Variants in SMIM13 observed in about 807,000 individuals in gnomAD.
The protein encoded by SMIM13 is UPF0766 protein C6orf228.
Under a neutral mutation model 5.9 loss-of-function variants are expected in SMIM13, and 3 were observed. The ratio of observed to expected loss-of-function variants is 0.51; its 90% confidence interval spans 0.23 to 1.31. SMIM13 has a LOEUF of 1.31. Ranked by LOEUF, SMIM13 falls within the 40% of genes most tolerant of loss-of-function variation. SMIM13 has a pLI of 0.18. For synonymous variants in SMIM13, 55 were observed against 46.0 expected (o/e 1.19, Z -0.79); for missense variants, 85 against 109.9 (o/e 0.77, Z 1.01).
chr6:11,096,611 A>AT (rs1338236886), intron 1 of SMIM13, among the ~76,000 whole-genome samples: 1 of 152,172 alleles, frequency 6.6e-6, no homozygotes, highest in Middle Eastern at 3.2e-3. Flanking sequence ...GGAGTGCGAT[A>AT]TTAGTTTGCC....
chr6:11,122,020 A>G lies in SMIM13; in HGVS notation c.77-12383A>G, dbSNP rs561755533. 1.3e-3 allele frequency among the ~76,000 whole-genome samples: 193 copies of G among 152,262 alleles called. 1 individual carries two copies. The highest frequency in any genetic ancestry group is 3.9e-3 in the Admixed American group (60 of 15,290). ...TCAACTGTTGTTCTGTCTATCCCCC[A>G]TGGGCACCCCACTGCTAATCTTTTT... is the stretch of plus-strand genomic sequence containing the variant. On this transcript the variant is annotated intron_variant, in intron 1 of 1. Transcript: ENST00000416247.
chr6:11,112,755 T>G (rs530185999), intron 1 of SMIM13, among the ~76,000 whole-genome samples: 1 of 152,180 alleles, frequency 6.6e-6, no homozygotes, highest in African/African-American at 2.4e-5. Flanking sequence ...CATTTACTCA[T>G]TGATGGACAT....
At chr6:11,128,519 G>T (rs115967134) in intron 1 of SMIM13, among the ~76,000 whole-genome samples, 3,077 of 152,248 alleles carry the variant, frequency 0.02, 47 homozygotes, top group South Asian at 0.049. Context: ...TCCTTTGGTT[G>T]CCCCAGGTGG....
intron 1 of SMIM13, among the ~76,000 whole-genome samples, chr6:11,096,331 T>A (rs946060490): frequency 2.0e-5 from 3 of 152,230 alleles, no homozygotes; most frequent in African/African-American, 7.2e-5. Context: ...GAATCTGGTA[T>A]GTCGCTGATC....
At chr6:11,125,679 TGAGA>T (rs561514862) in intron 1 of SMIM13, among the ~76,000 whole-genome samples, 57 of 152,308 alleles carry the variant, frequency 3.7e-4, no homozygotes, top group African/African-American at 1.3e-3. Context: ...AGGTTTCCAC[TGAGA>T]GATTGATTGC....
At chr6:11,097,377 C>T (rs530333933) in intron 1 of SMIM13, among the ~76,000 whole-genome samples, 6 of 152,132 alleles carry the variant, frequency 3.9e-5, no homozygotes, top group South Asian at 2.1e-4. Flanking sequence ...ATCTGCAGGC[C>T]GGGCATGGCG....
intron 1 of SMIM13, among the ~76,000 whole-genome samples, chr6:11,120,252 G>A (rs1026213076): frequency 7.2e-5 from 11 of 152,100 alleles, no homozygotes; most frequent in South Asian, 2.1e-4. Context: ...TGTCTTAATC[G>A]GTTTGGGCTG....
chr6:11,125,790 T>A (rs1319036317), intron 1 of SMIM13, among the ~76,000 whole-genome samples: 1 of 152,160 alleles, frequency 6.6e-6, no homozygotes, highest in Admixed American at 6.5e-5. Flanking sequence ...GTTTGATCAT[T>A]AAATGCCTTG....
intron 1 of SMIM13, chr6:11,105,238 A>G (rs1185138546): frequency 2.5e-6 from 4 of 1,614,054 alleles, no homozygotes; most frequent in Non-Finnish European, 2.5e-6. Context: ...GCTTTTTCCA[A>G]TAACGGGAAA....
chr6:11,118,787 G>A (rs1326359584), intron 1 of SMIM13, among the ~76,000 whole-genome samples: 1 of 152,198 alleles, frequency 6.6e-6, no homozygotes, highest in South Asian at 2.1e-4. Context: ...AATATTTGAT[G>A]AGTACTTATT....
At chr6:11,101,265 C>A (rs987000584) in intron 1 of SMIM13, among the ~76,000 whole-genome samples, 1 of 152,178 alleles carries the variant, frequency 6.6e-6, no homozygotes, top group Admixed American at 6.5e-5. Flanking sequence ...CTGGGCTGAT[C>A]TGTGACTGTG....
At chr6:11,121,303 A>G (rs146890949) in intron 1 of SMIM13, among the ~76,000 whole-genome samples, 12 of 152,312 alleles carry the variant, frequency 7.9e-5, no homozygotes, top group Non-Finnish European at 1.5e-4. Context: ...ACCCATGCCC[A>G]TAGAATAAGA....
chr6:11,105,032 AAG>A, intron 1 of SMIM13: 1 of 1,614,188 alleles, frequency 6.2e-7, no homozygotes, highest in Non-Finnish European at 8.5e-7. Flanking sequence ...TTACTGTTGA[AAG>A]AAGACTATTT....
chr6:11,104,380 TG>T, intron 1 of SMIM13: 5 of 1,551,698 alleles, frequency 3.2e-6, no homozygotes, highest in Non-Finnish European at 4.4e-6. Context: ...GTCCAGTTAC[TG>T]GGGAGGCATT....
chr6:11,095,958 C>T (rs1757917408), intron 1 of SMIM13, among the ~76,000 whole-genome samples: 1 of 152,112 alleles, frequency 6.6e-6, no homozygotes. Context: ...ACACGTAGAC[C>T]CTACCATACC....
At chr6:11,120,374 G>C (rs1758295005) in intron 1 of SMIM13, among the ~76,000 whole-genome samples, 1 of 152,156 alleles carries the variant, frequency 6.6e-6, no homozygotes, top group South Asian at 2.1e-4. Context: ...TTTAATGTCT[G>C]GTGAGGGCCT....
intron 1 of SMIM13, among the ~76,000 whole-genome samples, chr6:11,131,337 AAAC>A (rs773017724): frequency 1.6e-4 from 24 of 152,264 alleles, no homozygotes; most frequent in Non-Finnish European, 2.9e-4. Flanking sequence ...TTTTTTAAAA[AAAC>A]AAGGTGGGTC....
At chr6:11,117,014 C>T (rs1243801976) in intron 1 of SMIM13, among the ~76,000 whole-genome samples, 1 of 59,496 alleles carries the variant, frequency 1.7e-5, no homozygotes, top group East Asian at 7.5e-4. Context: ...TTTTTTGAGA[C>T]GTAGTCTTGC....
chr6:11,107,710 T>C (rs954621611), intron 1 of SMIM13, among the ~76,000 whole-genome samples: 3 of 152,240 alleles, frequency 2.0e-5, no homozygotes, highest in Non-Finnish European at 4.4e-5. Flanking sequence ...TTGGGTGTAT[T>C]GGGACTACTG....
Sources: gnomAD v4.1 joint callset for allele counts (sites outside exome capture counted in the v4.1 genomes callset) on GRCh38, gnomAD v4.1.1 for gene constraint, MANE v1.5 for transcripts, NCBI Gene and HGNC (gene_info 2026-07-23, HGNC 2026-07-21) for gene names.